RELN: variants seen among roughly 807,000 people sequenced by gnomAD.
RELN encodes the protein reelin.
RELN carries 108 observed loss-of-function variants against 427.6 expected under a neutral mutation model. The observed-to-expected ratio is 0.25, with a 90% confidence interval of 0.22 to 0.30. The LOEUF is 0.30. Ranked by LOEUF, RELN falls within the 10% of genes least tolerant of loss-of-function variation. The probability of loss-of-function intolerance (pLI) is 1.00; values close to 1 mark genes in which losing one functional copy is unlikely to be tolerated. For synonymous variants in RELN, 1,524 were observed against 1,513.4 expected, an observed-to-expected ratio of 1.01 and a Z score of -0.16; for missense variants, 3,715 against 4,302.8, an observed-to-expected ratio of 0.86 and a Z score of 3.82.
At chr7:103,568,344 T>C (rs1830809054) in intron 31 of RELN, among the ~76,000 whole-genome samples, 1 of 152,148 alleles carries the variant, frequency 6.6e-6, no homozygotes. Context: ...ATGCTAAAAT[T>C]AGAAATCTCA....
rs571764811 is a variant in RELN at position 103,655,963 on chromosome 7, T to G, written c.1442-1758A>C. Among the ~76,000 whole-genome samples the G allele has an allele frequency of 3.9e-5, 6 of 152,216 alleles. No individual in the cohort carries two copies. The South Asian group carries it at 1.2e-3, about 32-fold the overall frequency. On this transcript the variant is annotated intron_variant, in intron 12 of 64. Transcript: ENST00000428762. Reference sequence around the variant, plus strand: ...GTCTATTGATGAGAATTATGATTTGTTCATAAGCCTCCTCTGAGCTTAGAG... The same window carrying G: ...GTCTATTGATGAGAATTATGATTTGGTCATAAGCCTCCTCTGAGCTTAGAG...
chr7:103,591,766 G>A (rs1478444881), intron 27 of RELN, among the ~76,000 whole-genome samples: 1 of 152,062 alleles, frequency 6.6e-6, no homozygotes, highest in Non-Finnish European at 1.5e-5. Context: ...TGACAAGTTC[G>A]TGCTTTAGAA....
At chr7:103,675,358 C>A (rs1275782026) in intron 11 of RELN, among the ~76,000 whole-genome samples, 1 of 152,108 alleles carries the variant, frequency 6.6e-6, no homozygotes, top group African/African-American at 2.4e-5. Context: ...TCAGGGAGAA[C>A]TACAAACCAC....
At chr7:103,674,713 G>T (rs1833474610) in intron 11 of RELN, among the ~76,000 whole-genome samples, 2 of 152,102 alleles carry the variant, frequency 1.3e-5, no homozygotes, top group Admixed American at 1.3e-4. Flanking sequence ...TCATCCCTGG[G>T]ATGCAAGCCT....
rs1335703316 is a variant in RELN at position 103,483,986 on chromosome 7, T to C, written c.9984-136A>G. ...CGTCTGCCTACTGGGTTCAAGCGAT[T>C]TTCCTGCCTCGGTCTCCCTAGTAGC... On this transcript the variant is annotated intron_variant, in intron 61 of 64. Coordinates refer to ENST00000428762, the MANE Select transcript of RELN (RefSeq NM_005045.4). 3.5e-6 allele frequency: 3 copies of C among 850,978 alleles called. No individual in the cohort carries two copies. The African/African-American group carries it at 5.1e-5, about 14-fold the overall frequency. The allele number at this position is 850,978 out of a possible 1,614,324, so 52.7% of individuals were successfully genotyped here. A position where few individuals can be genotyped will look rare whatever the true frequency, so the allele number is the denominator to read the frequency against.
intron 46 of RELN, among the ~76,000 whole-genome samples, chr7:103,527,679 T>C (rs574612201): frequency 6.6e-6 from 1 of 152,358 alleles, no homozygotes; most frequent in East Asian, 1.9e-4. Flanking sequence ...TGTGTGTCTA[T>C]TTGCCTTGCA....
At chr7:103,737,869 T>C (rs1486509162) in intron 6 of RELN, among the ~76,000 whole-genome samples, 1 of 152,122 alleles carries the variant, frequency 6.6e-6, no homozygotes, top group Non-Finnish European at 1.5e-5. Context: ...TCCTTTGTTG[T>C]AAATTGTGGA....
chr7:103,907,801 T>A (rs558613026), intron 2 of RELN, among the ~76,000 whole-genome samples: 50 of 152,064 alleles, frequency 3.3e-4, no homozygotes, highest in African/African-American at 1.1e-3. Flanking sequence ...TTATTTTTTT[T>A]TAATTTTAAG....
chr7:103,496,193 T>G (rs1828836473), intron 56 of RELN, among the ~76,000 whole-genome samples: 1 of 152,200 alleles, frequency 6.6e-6, no homozygotes, highest in South Asian at 2.1e-4. Context: ...CGAAAAGTTC[T>G]TGATACACTT....
intron 16 of RELN, among the ~76,000 whole-genome samples, chr7:103,646,064 TA>T (rs1415762916): frequency 1.3e-5 from 2 of 151,458 alleles, no homozygotes; most frequent in Non-Finnish European, 3.0e-5. Flanking sequence ...ACACAGAAAT[TA>T]AAAAAAATTT....
At chr7:103,695,265 A>C (rs1296712017) in intron 10 of RELN, among the ~76,000 whole-genome samples, 1 of 152,208 alleles carries the variant, frequency 6.6e-6, no homozygotes, top group East Asian at 1.9e-4. Flanking sequence ...AGTCATGTAA[A>C]TGAACTAAAA....
At chr7:103,708,470 T>C (rs1453636604) in intron 8 of RELN, among the ~76,000 whole-genome samples, 1 of 141,654 alleles carries the variant, frequency 7.1e-6, no homozygotes, top group Non-Finnish European at 1.5e-5. Flanking sequence ...GACTCTTTTT[T>C]TTTTTTTTTT....
chr7:103,964,832 C>G (rs1446691441), intron 1 of RELN, among the ~76,000 whole-genome samples: 2 of 152,134 alleles, frequency 1.3e-5, no homozygotes, highest in African/African-American at 4.8e-5. Context: ...TTTGATATGT[C>G]TGTGCCCACA....
chr7:103,515,589 G>A (rs1003504664), intron 49 of RELN, 148 bp from the exon 50 acceptor site: 20 of 957,438 alleles, frequency 2.1e-5, no homozygotes, highest in African/African-American at 8.2e-5. Flanking sequence ...CAAAAACCAC[G>A]ATTAACTGGC....
In RELN at chr7:103,909,692, T is replaced by C. The variant is rs1204763973; in HGVS notation, c.337+7383A>G. ...ATATATTAAATATATTTAATAAATA[T>C]ATATATTTAATATATATAAATATAT... On this transcript the variant is annotated intron_variant, in intron 2 of 64. Coordinates refer to ENST00000428762, the MANE Select transcript of RELN (RefSeq NM_005045.4). Among the ~76,000 whole-genome samples, 3 of 64,026 alleles carry C rather than the reference T, an allele frequency of 4.7e-5. 1 individual carries two copies. The highest frequency in any genetic ancestry group is 2.4e-4 in the Admixed American group (1 of 4,154). 42.0% of individuals were successfully genotyped at this position (64,026 alleles called of 152,430 possible).
At chr7:103,512,358 G>A (rs943731344) in intron 50 of RELN, among the ~76,000 whole-genome samples, 23 of 152,132 alleles carry the variant, frequency 1.5e-4, no homozygotes, top group Admixed American at 1.4e-3. Flanking sequence ...AGGATTCTAA[G>A]ATAATACTGT....
At chr7:103,699,326 G>T (rs985323818) in intron 9 of RELN, among the ~76,000 whole-genome samples, 2 of 152,110 alleles carry the variant, frequency 1.3e-5, no homozygotes, top group African/African-American at 4.8e-5. Context: ...ACCTTTGGGG[G>T]TAATCAATTC....
rs537309881 is a variant in RELN at position 103,724,463 on chromosome 7, C to T, written c.754-1272G>A. Reference sequence around the variant, plus strand: ...ATCATGACTTGGAGAGGTGACTGAACGTGTGCTTTAAATACACGGCTATAA... The same window carrying T: ...ATCATGACTTGGAGAGGTGACTGAATGTGTGCTTTAAATACACGGCTATAA... On this transcript the variant is annotated intron_variant, in intron 7 of 64. Transcript: ENST00000428762. Among the ~76,000 whole-genome samples the T allele has an allele frequency of 2.5e-4, 38 of 152,216 alleles. No individual in the cohort carries two copies. In the South Asian group the frequency reaches 6.8e-3, roughly 27 times the overall value.
intron 2 of RELN, among the ~76,000 whole-genome samples, chr7:103,882,330 A>G (rs1563068909): frequency 6.6e-6 from 1 of 152,124 alleles, no homozygotes. Context: ...ACCAGGGCCT[A>G]TTTGATCATT....
Sources: gnomAD v4.1 joint callset for allele counts (sites outside exome capture counted in the v4.1 genomes callset) on GRCh38, gnomAD v4.1.1 for gene constraint, MANE v1.5 for transcripts, NCBI Gene and HGNC (gene_info 2026-07-23, HGNC 2026-07-21) for gene names.